Variants in SOX13 observed in about 807,000 individuals in gnomAD.
The protein encoded by SOX13 is SRY-box transcription factor 13.
A neutral mutation model predicts 71.8 loss-of-function variants in SOX13; 28 were observed. The observed-to-expected ratio is 0.39, with a 90% CI of 0.29 to 0.53. The LOEUF is 0.53. SOX13 is among the 20% of genes least tolerant of loss of function. The pLI, the probability that SOX13 is intolerant of heterozygous loss-of-function variation, is 0.70. For missense variants in SOX13, 627 were observed against 810.3 expected (o/e 0.77, Z 2.75); for synonymous variants, 309 against 317.8 (o/e 0.97, Z 0.29).
intron 1 of SOX13, among the ~76,000 whole-genome samples, chr1:204,085,718 T>TA (rs1558210596): frequency 6.6e-6 from 1 of 151,178 alleles, no homozygotes; most frequent in Non-Finnish European, 1.5e-5. Context: ...CTCACCCCTG[T>TA]AATCCCAGCA....
At chr1:204,099,979 A>G (rs1443319056) in intron 1 of SOX13, among the ~76,000 whole-genome samples, 2 of 152,098 alleles carry the variant, frequency 1.3e-5, no homozygotes, top group African/African-American at 4.8e-5. Context: ...CTGTCACTAT[A>G]AAAAATGAAT....
At chr1:204,111,180 C>T (rs760929778) in intron 1 of SOX13, among the ~76,000 whole-genome samples, 1 of 152,208 alleles carries the variant, frequency 6.6e-6, no homozygotes, top group African/African-American at 2.4e-5. Flanking sequence ...AACACCAGAT[C>T]GGTGCTTACT....
chr1:204,121,536 C>T (rs1480809638), intron 7 of SOX13, among the ~76,000 whole-genome samples: 2 of 152,232 alleles, frequency 1.3e-5, no homozygotes, highest in African/African-American at 2.4e-5. Flanking sequence ...TTCTACACAA[C>T]AGGCAGCCGC....
intron 7 of SOX13, among the ~76,000 whole-genome samples, chr1:204,120,349 C>G (rs939738449): frequency 1.3e-5 from 2 of 152,242 alleles, no homozygotes; most frequent in Non-Finnish European, 2.9e-5. Flanking sequence ...GGACCCCCAA[C>G]TGCTTTCTGG....
Position 204,122,463 on chromosome 1 carries a change from C to T in SOX13, c.1024+64C>T, listed in dbSNP as rs1656830067. ...TTAGGGGAGAGCCGGCGGCATGATG[C>T]GACCTTGAGCAGGTCCCTTCTCCTC... On this transcript the variant is annotated intron_variant, in intron 9 of 13. Coordinates refer to ENST00000367204, the MANE Select transcript of SOX13 (RefSeq NM_005686.3). The T allele has an allele frequency of 1.4e-5, 19 of 1,348,456 alleles. No homozygotes were observed. The Admixed American group carries it at 1.4e-4, about 10-fold the overall frequency. The allele number at this position is 1,348,456 out of a possible 1,614,324, so 83.5% of individuals were successfully genotyped here.
chr1:204,083,233 TTA>T (rs1655943694), intron 1 of SOX13, among the ~76,000 whole-genome samples: 1 of 152,042 alleles, frequency 6.6e-6, no homozygotes, highest in African/African-American at 2.4e-5. Context: ...TTGACACCCT[TTA>T]TTGAGCCTGA....
At chr1:204,115,468 C>T (rs1407297399) in intron 4 of SOX13, among the ~76,000 whole-genome samples, 13 of 122,578 alleles carry the variant, frequency 1.1e-4, no homozygotes, top group African/African-American at 2.2e-4. Flanking sequence ...TGAGTGATTC[C>T]GATGTTGTTT....
chr1:204,109,049 G>A (rs113121618), intron 1 of SOX13, among the ~76,000 whole-genome samples: 13 of 152,140 alleles, frequency 8.5e-5, no homozygotes, highest in Non-Finnish European at 1.6e-4. Context: ...AGCCCCTCCC[G>A]GTGCCCGGAT....
chr1:204,116,704 C>A, intron 5 of SOX13, 25 bp downstream of exon 5: 1 of 1,610,154 alleles, frequency 6.2e-7, no homozygotes, highest in South Asian at 1.1e-5. Context: ...GTGGGTGTAG[C>A]TTTCTTTCCA....
At chr1:204,085,046 T>A (rs2102225568) in intron 1 of SOX13, among the ~76,000 whole-genome samples, 1 of 152,238 alleles carries the variant, frequency 6.6e-6, no homozygotes, top group East Asian at 1.9e-4. Flanking sequence ...GAAGCTAAGA[T>A]GAGACTTAAG....
Position 204,126,292 on chromosome 1 carries a change from G to C in SOX13, c.*158G>C. 1 of 794,466 alleles carries C rather than the reference G, an allele frequency of 1.3e-6. No homozygotes were observed. The highest frequency in any genetic ancestry group is 2.0e-6 in the Non-Finnish European group (1 of 503,878). 49.2% of individuals were successfully genotyped at this position (794,466 alleles called of 1,614,324 possible). A position where few individuals can be genotyped will look rare whatever the true frequency, so the allele number is the denominator to read the frequency against. On this transcript the variant is annotated 3_prime_UTR_variant, in exon 14 of 14. Transcript: ENST00000367204. ...ACTTGCAGATACATTCATGAGGGGA[G>C]AGGCGCCCTCCCTTCCTGAGGAGCT...
intron 1 of SOX13, among the ~76,000 whole-genome samples, chr1:204,094,665 T>A (rs2102235272): frequency 6.6e-6 from 1 of 152,164 alleles, no homozygotes; most frequent in East Asian, 1.9e-4. Context: ...CAAGGCTCCC[T>A]TGGGGCGGGC....
chr1:204,122,996 AG>A (rs1424648341), intron 10 of SOX13, 33 bp downstream of exon 10: 272 of 1,518,940 alleles, frequency 1.8e-4, no homozygotes, highest in Non-Finnish European at 2.4e-4. Flanking sequence ...GCCTAGGGGC[AG>A]CAACAGATGG....
chr1:204,119,379 C>T (rs1179086957), intron 7 of SOX13: 1 of 152,180 alleles, frequency 6.6e-6, no homozygotes, highest in Non-Finnish European at 1.5e-5. Flanking sequence ...TGAGGGCTGA[C>T]TTTCTGGTTC....
chr1:204,098,602 T>C (rs555016553), intron 1 of SOX13, among the ~76,000 whole-genome samples: 1 of 152,360 alleles, frequency 6.6e-6, no homozygotes, highest in Non-Finnish European at 1.5e-5. Context: ...TAGGCATATG[T>C]GTTGCCAGGG....
intron 1 of SOX13, among the ~76,000 whole-genome samples, chr1:204,086,049 C>G: frequency 6.6e-6 from 1 of 152,126 alleles, no homozygotes; most frequent in East Asian, 1.9e-4. Context: ...AGCCAGACCC[C>G]GGAGGTGTGA....
chr1:204,082,881 G>T (rs1394873767), intron 1 of SOX13, among the ~76,000 whole-genome samples: 8 of 152,178 alleles, frequency 5.3e-5, no homozygotes, highest in African/African-American at 1.9e-4. Context: ...CCTTGAAATG[G>T]GTGTACAAGT....
chr1:204,093,519 T>G (rs2102234237), intron 1 of SOX13, among the ~76,000 whole-genome samples: 1 of 152,296 alleles, frequency 6.6e-6, no homozygotes, highest in Admixed American at 6.5e-5. Context: ...GGCGGTGGCA[T>G]GGGTGTGGGG....
At chr1:204,076,473 A>T (rs1180553352) in intron 1 of SOX13, among the ~76,000 whole-genome samples, 16 of 152,096 alleles carry the variant, frequency 1.1e-4, no homozygotes. Flanking sequence ...TGGATGTGGG[A>T]TTTGGGGTGA....
Sources: gnomAD v4.1 joint callset for allele counts (sites outside exome capture counted in the v4.1 genomes callset) on GRCh38, gnomAD v4.1.1 for gene constraint, MANE v1.5 for transcripts, NCBI Gene and HGNC (gene_info 2026-07-23, HGNC 2026-07-21) for gene names.